FSD1L: variants seen among roughly 807,000 people sequenced by gnomAD.
The protein encoded by FSD1L is FSD1-like protein.
FSD1L carries 45 observed loss-of-function variants against 71.6 expected under a neutral mutation model. The observed-to-expected ratio is 0.63, with a 90% confidence interval of 0.49 to 0.81. The LOEUF (loss-of-function observed/expected upper bound fraction) is 0.81. Ranked by LOEUF, FSD1L falls within the 30% of genes least tolerant of loss-of-function variation. The probability of loss-of-function intolerance (pLI) is 0.00; values close to 1 mark genes in which losing one functional copy is unlikely to be tolerated. For synonymous variants in FSD1L, 197 were observed against 207.2 expected (o/e 0.95, Z 0.42); for missense variants, 561 against 618.1 (o/e 0.91, Z 0.98).
intron 8 of FSD1L, among the ~76,000 whole-genome samples, chr9:105,508,263 C>T (rs970248395): frequency 1.3e-5 from 2 of 150,874 alleles, no homozygotes; most frequent in African/African-American, 2.4e-5. Context: ...CTGCAAGCTC[C>T]GCCTCCCCGG....
chr9:105,459,042 G>A (rs1830526169), intron 1 of FSD1L, among the ~76,000 whole-genome samples: 1 of 152,144 alleles, frequency 6.6e-6, no homozygotes, highest in Non-Finnish European at 1.5e-5. Context: ...ACCATATCTA[G>A]AAAACACTTT....
chr9:105,524,772 C>T (rs576917054), intron 10 of FSD1L: 583 of 1,605,326 alleles, frequency 3.6e-4, no homozygotes, highest in African/African-American at 1.1e-3. Context: ...TATAGCAGCC[C>T]GCACTGTTAT....
chr9:105,464,180 G>T, intron 2 of FSD1L, 56 bp from the exon 3 acceptor site: 3 of 868,798 alleles, frequency 3.5e-6, no homozygotes, highest in South Asian at 3.1e-5. Flanking sequence ...GCTTGTTAAT[G>T]AGTTTTGTAA....
chr9:105,540,999 G>A (rs1431468452), intron 13 of FSD1L, among the ~76,000 whole-genome samples: 1 of 152,048 alleles, frequency 6.6e-6, no homozygotes, highest in Non-Finnish European at 1.5e-5. Flanking sequence ...AGTCAAGATG[G>A]TATATTTCAA....
Position 105,508,647 on chromosome 9 carries a change from T to G in FSD1L, c.827T>G (p.Phe276Cys), listed in dbSNP as rs1342909575. 10 of 1,551,348 alleles carry G rather than the reference T, an allele frequency of 6.4e-6. No homozygotes were observed. The highest frequency in any genetic ancestry group is 7.8e-6 in the Non-Finnish European group (9 of 1,146,542). The part of the protein sequence containing the change: ...GLKFDSKYMN[F>C]RVRACNKAVA... ...AAATTTGATTCAAAGTATATGAATT[T>G]CAGAGTGCGAGCTTGTAACAAGGCT... The change falls in exon 9 of 14, where the codon TTC becomes TGC. Residue 276 changes from phenylalanine (F) to cysteine (C), a missense_variant. Transcript: ENST00000481272.
intron 7 of FSD1L, among the ~76,000 whole-genome samples, chr9:105,491,407 A>G (rs1025536318): frequency 1.6e-4 from 24 of 152,148 alleles, no homozygotes; most frequent in African/African-American, 2.9e-4. Context: ...GGCTGAGACA[A>G]TGGGGTTTCC....
chr9:105,472,283 T>A, intron 5 of FSD1L: 1 of 324,154 alleles, frequency 3.1e-6, no homozygotes, highest in Non-Finnish European at 5.6e-6. Context: ...ACATGAGCAC[T>A]GTAATTGTGT....
intron 10 of FSD1L, among the ~76,000 whole-genome samples, chr9:105,532,544 C>T (rs1463449881): frequency 6.6e-6 from 1 of 152,106 alleles, no homozygotes; most frequent in Admixed American, 6.6e-5. Context: ...TTTTGGAGAT[C>T]TCAACAACTA....
Position 105,468,337 on chromosome 9 carries a change from A to C in FSD1L, c.339+13A>C. 1 of 1,472,432 alleles carries C rather than the reference A, an allele frequency of 6.8e-7. No homozygotes were observed. Among genetic ancestry groups the C allele is most frequent in the South Asian group, 1.4e-5 (1 of 69,724 alleles). The allele number at this position is 1,472,432 out of a possible 1,614,324, so 91.2% of individuals were successfully genotyped here. A position where few individuals can be genotyped will look rare whatever the true frequency, so the allele number is the denominator to read the frequency against. ...CCAAGAGTTACAGGTGAGATCATAC[A>C]GCTATTGAAATATGGATAATTTTAG... On this transcript the variant is annotated intron_variant, in intron 4 of 13. Transcript: ENST00000481272.
At chr9:105,470,104 G>T (rs887764047) in intron 4 of FSD1L, among the ~76,000 whole-genome samples, 7 of 152,052 alleles carry the variant, frequency 4.6e-5, no homozygotes, top group Admixed American at 1.3e-4. Context: ...TGTCTGTTTT[G>T]TTCCATTGGT....
chr9:105,446,040 A>G (rs1272167778), upstream of FSD1L, among the ~76,000 whole-genome samples: 1 of 152,168 alleles, frequency 6.6e-6, no homozygotes, highest in Non-Finnish European at 1.5e-5. Flanking sequence ...GGATGTATTA[A>G]GTGCATACTA....
At chr9:105,494,947 C>T (rs917489779) in intron 7 of FSD1L, among the ~76,000 whole-genome samples, 1 of 152,184 alleles carries the variant, frequency 6.6e-6, no homozygotes, top group Non-Finnish European at 1.5e-5. Flanking sequence ...GCTCGGGGGT[C>T]AGGGGTCACG....
chr9:105,522,126 A>G, intron 10 of FSD1L: 6 of 1,613,948 alleles, frequency 3.7e-6, no homozygotes, highest in Non-Finnish European at 4.2e-6. Context: ...CCAGACCCTT[A>G]TAGTTGCCTG....
intron 10 of FSD1L, chr9:105,530,556 A>G: frequency 1.4e-6 from 1 of 695,510 alleles, no homozygotes; most frequent in Non-Finnish European, 2.6e-6. Context: ...AGCTCTTAAT[A>G]CATTTTGAAG....
At chr9:105,470,042 G>C (rs919244834) in intron 4 of FSD1L, among the ~76,000 whole-genome samples, 2 of 152,084 alleles carry the variant, frequency 1.3e-5, no homozygotes, top group East Asian at 3.8e-4. Flanking sequence ...TTTGGCCTTA[G>C]TACCTATGTC....
intron 1 of FSD1L, among the ~76,000 whole-genome samples, chr9:105,448,916 A>G (rs1030590480): frequency 6.6e-6 from 1 of 152,210 alleles, no homozygotes; most frequent in African/African-American, 2.4e-5. Flanking sequence ...AGGAAAGGTT[A>G]TATAATCGTA....
At chr9:105,470,902 TC>T (rs1313371707) in intron 4 of FSD1L, among the ~76,000 whole-genome samples, 1 of 152,204 alleles carries the variant, frequency 6.6e-6, no homozygotes, top group East Asian at 1.9e-4. Flanking sequence ...CACCTGAAGA[TC>T]CAACTGAAAA....
At chr9:105,491,465 CTT>C (rs1033062654) in intron 7 of FSD1L, among the ~76,000 whole-genome samples, 3 of 152,144 alleles carry the variant, frequency 2.0e-5, no homozygotes, top group African/African-American at 4.8e-5. Context: ...TTGACTTCCT[CTT>C]TTCCTAACTG....
At chr9:105,472,060 G>T in intron 5 of FSD1L, 55 bp downstream of exon 5, 2 of 1,396,650 alleles carry the variant, frequency 1.4e-6, no homozygotes, top group Non-Finnish European at 1.9e-6. Flanking sequence ...TTTTAAAAAG[G>T]CGTTTTTGTT....
Sources: allele counts gnomAD v4.1 joint callset (sites outside exome capture counted in the v4.1 genomes callset), GRCh38; gene constraint gnomAD v4.1.1; transcripts MANE v1.5; gene names NCBI Gene and HGNC (gene_info 2026-07-23, HGNC 2026-07-21).